The following RASEF variants were observed in gnomAD, a reference collection of about 807,000 sequenced individuals.
The protein encoded by RASEF is ras and EF-hand domain-containing protein.
A neutral mutation model predicts 90.1 loss-of-function variants in RASEF; 68 were observed. The ratio of observed to expected loss-of-function variants is 0.75; its 90% CI spans 0.62 to 0.92. The LOEUF (loss-of-function observed/expected upper bound fraction) is 0.92, where lower values mean the gene tolerates loss of function less well. RASEF is among the 40% of genes least tolerant of loss of function. The pLI is 0.00. For missense variants in RASEF, 949 were observed against 937.2 expected (o/e 1.01, Z -0.16); for synonymous variants, 331 against 345.2 (o/e 0.96, Z 0.46).
chr9:83,010,563 G>C (rs1466359735), intron 5 of RASEF, among the ~76,000 whole-genome samples: 4 of 152,110 alleles, frequency 2.6e-5, no homozygotes, highest in Non-Finnish European at 5.9e-5. Flanking sequence ...ACCAGATATG[G>C]GGTTGGAAAG....
chr9:83,105,753 A>C, the RASEF span, among the ~76,000 whole-genome samples: 3 of 152,244 alleles, frequency 2.0e-5, no homozygotes, highest in Admixed American at 6.5e-5. Flanking sequence ...CAAGCCAACT[A>C]ATGCCAAGTG....
intron 16 of RASEF, among the ~76,000 whole-genome samples, chr9:82,985,218 T>TA (rs1261362712): frequency 6.6e-6 from 1 of 152,128 alleles, no homozygotes; most frequent in African/African-American, 2.4e-5. Flanking sequence ...TAATTGGACT[T>TA]AGAGTTCCAC....
At chr9:83,076,898 TAA>T in the RASEF span, among the ~76,000 whole-genome samples, 3 of 152,196 alleles carry the variant, frequency 2.0e-5, no homozygotes, top group East Asian at 3.8e-4. Context: ...ATAATTCTGA[TAA>T]ACAGTATTCC....
chr9:83,193,464 C>T, the RASEF span, among the ~76,000 whole-genome samples: 3 of 152,300 alleles, frequency 2.0e-5, no homozygotes, highest in Middle Eastern at 0.01. Context: ...ATGCCAGTAA[C>T]TCTGAGTACT....
At chr9:83,039,022 T>G (rs1410547428) in intron 1 of RASEF, among the ~76,000 whole-genome samples, 1 of 152,190 alleles carries the variant, frequency 6.6e-6, no homozygotes, top group Non-Finnish European at 1.5e-5. Flanking sequence ...CTGTTCTGGT[T>G]TTTTTGTTTT....
chr9:83,064,732 C>T (rs754997841), upstream of RASEF, among the ~76,000 whole-genome samples: 3 of 152,114 alleles, frequency 2.0e-5, no homozygotes, highest in Non-Finnish European at 2.9e-5. Flanking sequence ...CTGTGACCTG[C>T]TTTGCCCTTT....
At position 82,999,984 on chromosome 9, in the gene RASEF, G is replaced by GACACACACAC. The variant is rs55873985; in HGVS notation, c.1723+175_1723+184dup. Among the ~76,000 whole-genome samples the GACACACACAC allele has an allele frequency of 1.4e-4, 20 of 141,112 alleles. No homozygotes were observed. The East Asian group carries it at 1.7e-3, about 12-fold the overall frequency. 92.6% of individuals were successfully genotyped at this position (141,112 alleles called of 152,430 possible). ...AGAAAGACCTTTCCATAGACTAGGA[G>GACACACACAC]ACACACACACACACACACACACACA... On this transcript the variant is annotated intron_variant, in intron 12 of 16. Coordinates refer to ENST00000376447, the MANE Select transcript of RASEF (RefSeq NM_152573.4).
chr9:83,042,056 T>C (rs1423009889), intron 1 of RASEF, among the ~76,000 whole-genome samples: 1 of 152,202 alleles, frequency 6.6e-6, no homozygotes. Context: ...TTTACATTTA[T>C]CTCAGTTTAT....
chr9:83,062,604 G>T lies in RASEF; in HGVS notation c.264C>A (p.Pro88=). 1 of 1,564,894 alleles carries T rather than the reference G, an allele frequency of 6.4e-7. No individual in the cohort carries two copies. The highest frequency in any genetic ancestry group is 8.6e-7 in the Non-Finnish European group (1 of 1,159,004). ...GCCCCGCCTCAGACACGGCGGGCGC[G>T]GGATCCAGAGGACCCCAGTCCCGGC... is the stretch of plus-strand genomic sequence containing the variant. ...GRRRDWGPLD[P]APAVSEAGPE... is the part of the protein sequence containing the mutation. Residue 88 remains proline (P), a synonymous_variant, in exon 1 of 17, where the codon CCC becomes CCA. Coordinates refer to ENST00000376447, the MANE Select transcript of RASEF (RefSeq NM_152573.4).
the RASEF span, among the ~76,000 whole-genome samples, chr9:83,179,323 T>C: frequency 5.3e-5 from 8 of 152,170 alleles, no homozygotes; most frequent in African/African-American, 1.7e-4. Context: ...AGGAATTATA[T>C]ATAAAGCAAG....
At chr9:83,144,335 GAAAGAAAGAAA>G in the RASEF span, among the ~76,000 whole-genome samples, 2 of 55,434 alleles carry the variant, frequency 3.6e-5, no homozygotes, top group East Asian at 4.4e-4. Flanking sequence ...AGGAAAGAAA[GAAAGAAAGAAA>G]GAAAGAAAGA....
intron 1 of RASEF, among the ~76,000 whole-genome samples, chr9:83,061,196 T>C (rs896660355): frequency 6.6e-6 from 1 of 152,170 alleles, no homozygotes; most frequent in Non-Finnish European, 1.5e-5. Flanking sequence ...AACTCATTTG[T>C]AAATAACAGA....
intron 6 of RASEF, among the ~76,000 whole-genome samples, chr9:83,007,902 A>C (rs1829163540): frequency 6.6e-6 from 1 of 151,970 alleles, no homozygotes; most frequent in Admixed American, 6.6e-5. Context: ...AATCCTCTGA[A>C]CCTTCCCTGC....
At chr9:83,110,146 T>A in the RASEF span, among the ~76,000 whole-genome samples, 4 of 152,218 alleles carry the variant, frequency 2.6e-5, no homozygotes, top group African/African-American at 4.8e-5. Flanking sequence ...ATTAGCATGC[T>A]TCAGCCTATG....
the RASEF span, among the ~76,000 whole-genome samples, chr9:83,215,354 G>A: frequency 6.6e-6 from 1 of 152,094 alleles, no homozygotes; most frequent in Admixed American, 6.5e-5. Flanking sequence ...AGGGTCCATT[G>A]AGCTGGTTAA....
At chr9:83,113,377 T>C in the RASEF span, among the ~76,000 whole-genome samples, 1 of 152,168 alleles carries the variant, frequency 6.6e-6, no homozygotes. Flanking sequence ...ATTGCACAAA[T>C]TGATTGTAAA....
the RASEF span, among the ~76,000 whole-genome samples, chr9:83,109,346 C>A: frequency 0.013 from 2,036 of 152,220 alleles, 52 homozygotes; most frequent in African/African-American, 0.046. Context: ...CAGAAAAAGA[C>A]AATTATTTGT....
chr9:83,009,248 T>C (rs1829195430), intron 6 of RASEF, among the ~76,000 whole-genome samples: 1 of 152,046 alleles, frequency 6.6e-6, no homozygotes, highest in Non-Finnish European at 1.5e-5. Context: ...TTAGGTTTTA[T>C]GGTATTAACA....
At chr9:83,129,339 G>A in the RASEF span, among the ~76,000 whole-genome samples, 410 of 151,638 alleles carry the variant, frequency 2.7e-3, 1 homozygote, top group African/African-American at 8.6e-3. Context: ...CCCGGGAGGC[G>A]GAGCTTGCAG....
Sources: gnomAD v4.1 joint callset for allele counts (sites outside exome capture counted in the v4.1 genomes callset) on GRCh38, gnomAD v4.1.1 for gene constraint, MANE v1.5 for transcripts, NCBI Gene and HGNC (gene_info 2026-07-23, HGNC 2026-07-21) for gene names.